Variants in DZIP3 observed in about 807,000 individuals in gnomAD.
The protein encoded by DZIP3 is DAZ interacting zinc finger protein 3.
Under a neutral mutation model 162.0 loss-of-function variants are expected in DZIP3, and 118 were observed. The observed-to-expected ratio is 0.73, with a 90% confidence interval of 0.63 to 0.85. DZIP3 has a LOEUF of 0.85. Ranked by LOEUF, DZIP3 falls within the 40% of genes least tolerant of loss-of-function variation. The pLI, the probability that DZIP3 is intolerant of heterozygous loss-of-function variation, is 0.00. For synonymous variants in DZIP3, 438 were observed against 458.6 expected (o/e 0.96, Z 0.57); for missense variants, 1,331 against 1,407.0 (o/e 0.95, Z 0.86).
chr3:108,631,167 C>T (rs1173077021), intron 8 of DZIP3, among the ~76,000 whole-genome samples: 6 of 147,922 alleles, frequency 4.1e-5, no homozygotes, highest in Middle Eastern at 7.1e-3. Context: ...TGGGAATTTT[C>T]CTCACCTTTC....
chr3:108,608,207 T>C (rs779819200), intron 3 of DZIP3, 49 bp downstream of exon 3: 27 of 1,429,616 alleles, frequency 1.9e-5, no homozygotes, highest in Non-Finnish European at 2.3e-5. Context: ...TGATAATTAA[T>C]TATATATGCA....
chr3:108,661,460 G>A (rs1229030580), intron 19 of DZIP3, among the ~76,000 whole-genome samples: 2 of 152,168 alleles, frequency 1.3e-5, no homozygotes, highest in South Asian at 2.1e-4. Flanking sequence ...ACAGGAAGGG[G>A]AACATCACAC....
At chr3:108,663,470 C>T (rs939653917) in intron 21 of DZIP3, among the ~76,000 whole-genome samples, 16 of 151,132 alleles carry the variant, frequency 1.1e-4, no homozygotes, top group Admixed American at 4.0e-4. Context: ...GCAGGAGAAT[C>T]GCTTGAACCC....
At chr3:108,674,273 A>C in intron 24 of DZIP3, 92 bp downstream of exon 24, 3 of 1,083,976 alleles carry the variant, frequency 2.8e-6, no homozygotes, top group South Asian at 1.6e-5. Context: ...TGTTTTACAT[A>C]TGTGACATCA....
chr3:108,636,650 G>A lies in DZIP3; in HGVS notation c.953G>A (p.Cys318Tyr). Residue 318 changes from cysteine to tyrosine, a missense_variant, in exon 11 of 33, where the codon TGT becomes TAT. Coordinates refer to ENST00000361582, the MANE Select transcript of DZIP3 (RefSeq NM_014648.4). Reference protein sequence around the residue: ...FSGKKCLKEGCTGDMVRMLQC... With the variant: ...FSGKKCLKEGYTGDMVRMLQC... ...GGGAAAAAATGTTTGAAGGAAGGAT[G>A]TACAGGTGACATGGTAAGGATGCTG... 2 of 1,580,004 alleles carry A rather than the reference G, an allele frequency of 1.3e-6. No homozygotes were observed. Among genetic ancestry groups the A allele is most frequent in the Non-Finnish European group, 1.7e-6 (2 of 1,168,940 alleles).
chr3:108,667,877 A>G (rs1369864358), intron 21 of DZIP3, among the ~76,000 whole-genome samples: 1 of 152,116 alleles, frequency 6.6e-6, no homozygotes, highest in African/African-American at 2.4e-5. Context: ...GAACCTAGGC[A>G]TTGAAGGTTA....
chr3:108,657,609 A>T (rs1389711452), intron 19 of DZIP3, among the ~76,000 whole-genome samples: 1 of 152,034 alleles, frequency 6.6e-6, no homozygotes, highest in Non-Finnish European at 1.5e-5. Flanking sequence ...AGCTAACATC[A>T]TAATGACAGG....
At chr3:108,623,265 T>TGGGGG (rs1941447772) in intron 5 of DZIP3, among the ~76,000 whole-genome samples, 1 of 152,048 alleles carries the variant, frequency 6.6e-6, no homozygotes, top group South Asian at 2.1e-4. Context: ...CCACCACAGC[T>TGGGGG]GGGAATGTGT....
rs201012271 is a variant in DZIP3 at position 108,627,978 on chromosome 3, A to G, written c.582-1084A>G. 2.0e-5 allele frequency among the ~76,000 whole-genome samples: 3 copies of G among 152,168 alleles called. No individual in the cohort carries two copies. The East Asian group carries it at 5.8e-4, about 29-fold the overall frequency. ...ACTGCAACCTCCAACTCCCTGGTTCAAGGGATTCTCCTGCCTCTGCCTCCC... is the reference window on the plus strand; with the variant it reads ...ACTGCAACCTCCAACTCCCTGGTTCGAGGGATTCTCCTGCCTCTGCCTCCC... On this transcript the variant is annotated intron_variant, in intron 7 of 32. Transcript: ENST00000361582.
At chr3:108,608,186 TGTTA>T (rs769113148) in intron 3 of DZIP3, 28 bp downstream of exon 3, 24 of 1,480,224 alleles carry the variant, frequency 1.6e-5, no homozygotes, top group Admixed American at 1.1e-4. Flanking sequence ...TTTCATTAAC[TGTTA>T]GTTAATTGAT....
chr3:108,640,319 ATT>A (rs139619517), intron 12 of DZIP3, among the ~76,000 whole-genome samples: 1 of 137,906 alleles, frequency 7.3e-6, no homozygotes, highest in African/African-American at 2.7e-5. Context: ...TATACTATTC[ATT>A]TTTTTTTTGT....
intron 2 of DZIP3, among the ~76,000 whole-genome samples, chr3:108,606,167 AT>A (rs1321365011): frequency 6.6e-6 from 1 of 152,204 alleles, no homozygotes; most frequent in African/African-American, 2.4e-5. Flanking sequence ...TGCTGTTATT[AT>A]CCCTATTTTC....
chr3:108,646,574 C>G (rs200704416), intron 14 of DZIP3, 43 bp from the exon 15 acceptor site: 3 of 1,372,700 alleles, frequency 2.2e-6, no homozygotes, highest in African/African-American at 2.9e-5. Flanking sequence ...TCATTTGTTG[C>G]GTTTGCAATT....
chr3:108,668,477 C>G (rs773063232), intron 21 of DZIP3, among the ~76,000 whole-genome samples: 3 of 151,850 alleles, frequency 2.0e-5, no homozygotes, highest in Non-Finnish European at 4.4e-5. Context: ...TCTGAATTCC[C>G]CACTAGTTAT....
At chr3:108,642,115 T>G (rs1208289324) in intron 12 of DZIP3, among the ~76,000 whole-genome samples, 1 of 152,212 alleles carries the variant, frequency 6.6e-6, no homozygotes. Flanking sequence ...TTTTTTTGTT[T>G]GCTTGCTTGC....
chr3:108,651,970 G>A (rs951251711), intron 18 of DZIP3, among the ~76,000 whole-genome samples: 1 of 151,732 alleles, frequency 6.6e-6, no homozygotes, highest in African/African-American at 2.4e-5. Flanking sequence ...GATCCACTTG[G>A]TATATAAAAT....
chr3:108,619,659 A>G (rs1212317253), intron 5 of DZIP3, among the ~76,000 whole-genome samples: 4 of 152,132 alleles, frequency 2.6e-5, no homozygotes, highest in Non-Finnish European at 5.9e-5. Flanking sequence ...AATGGATTGG[A>G]TGATGCCCAC....
chr3:108,625,062 AT>A (rs1367045512), intron 6 of DZIP3, among the ~76,000 whole-genome samples: 1 of 152,282 alleles, frequency 6.6e-6, no homozygotes, highest in Admixed American at 6.5e-5. Context: ...AACTGAAAAC[AT>A]TTCTATTTTA....
At chr3:108,614,855 G>T (rs1171636944) in intron 4 of DZIP3, among the ~76,000 whole-genome samples, 1 of 152,148 alleles carries the variant, frequency 6.6e-6, no homozygotes, top group Non-Finnish European at 1.5e-5. Flanking sequence ...TGGGTAACTA[G>T]CATAATAACA....
Sources: allele counts gnomAD v4.1 joint callset (sites outside exome capture counted in the v4.1 genomes callset), GRCh38; gene constraint gnomAD v4.1.1; transcripts MANE v1.5; gene names NCBI Gene and HGNC (gene_info 2026-07-23, HGNC 2026-07-21).